The following KLF10 variants were observed in gnomAD, a reference collection of about 807,000 sequenced individuals.
KLF10 encodes the protein Krueppel-like factor 10.
In KLF10, 17 loss-of-function variants were observed where a neutral mutation model predicts 31.6. The observed-to-expected ratio is 0.54, with a 90% CI of 0.37 to 0.81. KLF10 has a LOEUF of 0.81. Ranked by LOEUF, KLF10 falls within the 30% of genes least tolerant of loss-of-function variation. The pLI is 0.00. For synonymous variants in KLF10, 239 were observed against 215.1 expected, an observed-to-expected ratio of 1.11 and a Z score of -0.97; for missense variants, 525 against 598.1, an observed-to-expected ratio of 0.88 and a Z score of 1.27.
At position 102,651,734 on chromosome 8, in the gene KLF10, T is replaced by A; in HGVS notation, c.598A>T (p.Ile200Leu). 1.2e-6 allele frequency: 2 copies of A among 1,614,246 alleles called. No individual in the cohort carries two copies. The highest frequency in any genetic ancestry group is 1.7e-6 in the Non-Finnish European group (2 of 1,180,044). ...HLNVEAARKN[I>L]PCAAVSPNRS... ...TTTGGTGACACAGCGGCACATGGTA[T>A]GTTCTTTCTTGCAGCCTCAACATTT... Residue 200 changes from isoleucine (I) to leucine (L), a missense_variant, in exon 3 of 4, where the codon ATA becomes TTA. By Grantham distance (5) the Ile-to-Leu change is conservative (BLOSUM62 2). Coordinates refer to ENST00000285407, the MANE Select transcript of KLF10 (RefSeq NM_005655.4).
At position 102,651,590 on chromosome 8, in the gene KLF10, C is replaced by T. The variant is rs776914488; in HGVS notation, c.742G>A (p.Val248Met). Reference sequence around the variant, plus strand: ...AACACTGACTTCTGTTGTGGGGACACAGGGGCTGGCTGAGACCTGCAGATG... The same window carrying T: ...AACACTGACTTCTGTTGTGGGGACATAGGGGCTGGCTGAGACCTGCAGATG... ...TVICRSQPAP[V>M]SPQQKSVLVS... Residue 248 changes from valine to methionine, a missense_variant, in exon 3 of 4, where the codon GTG (valine) becomes ATG (methionine). Physicochemically the swap from Val to Met is conservative, Grantham distance 21. Transcript: ENST00000285407. 5 of 1,614,080 alleles carry T rather than the reference C, an allele frequency of 3.1e-6. No individual in the cohort carries two copies. The African/African-American group carries it at 6.7e-5, about 22-fold the overall frequency.
chr8:102,655,634 C>CTGGCTGCT lies in KLF10; in HGVS notation c.-41_-34dup. 1 of 1,612,978 alleles carries CTGGCTGCT rather than the reference C, an allele frequency of 6.2e-7. No homozygotes were observed. The highest frequency in any genetic ancestry group is 1.1e-5 in the South Asian group (1 of 91,000). On this transcript the variant is annotated 5_prime_UTR_variant, in exon 1 of 4. Transcript: ENST00000285407. ...TGCTTGGCCGCCGGCGGCAAGCTGA[C>CTGGCTGCT]TGGCTGCTAGGCTGCTGGCTGCTTG...
rs750341034 is a variant in KLF10, at chr8:102,651,409, A to C, written c.923T>G (p.Met308Arg). The C allele has an allele frequency of 6.2e-7, 1 of 1,612,326 alleles. No individual in the cohort carries two copies. The highest frequency in any genetic ancestry group is 8.5e-7 in the Non-Finnish European group (1 of 1,178,994). Reference protein sequence around the residue: ...PPAVCPPVVFMGTQVPKGAVM... With the variant: ...PPAVCPPVVFRGTQVPKGAVM... ...AGCGCCTTTGGGGACTTGTGTGCCC[A>C]TGAACACAACAGGGGGGCAAACGGC... Residue 308 changes from methionine to arginine, a missense_variant, in exon 3 of 4, where the codon ATG becomes AGG. Coordinates refer to ENST00000285407, the MANE Select transcript of KLF10 (RefSeq NM_005655.4).
At chr8:102,654,956 C>A (rs1383358047) in intron 1 of KLF10, among the ~76,000 whole-genome samples, 1 of 152,106 alleles carries the variant, frequency 6.6e-6, no homozygotes, top group Non-Finnish European at 1.5e-5. Context: ...GTGTCATCCC[C>A]CCGCTCCGAC....
chr8:102,655,502 G>A, intron 1 of KLF10, 64 bp downstream of exon 1: 1 of 1,592,804 alleles, frequency 6.3e-7, no homozygotes, highest in Admixed American at 1.7e-5. Context: ...CGGGGTTCGC[G>A]CCCCCTTTGG....
At chr8:102,655,520 G>A in intron 1 of KLF10, 46 bp downstream of exon 1, 2 of 1,612,978 alleles carry the variant, frequency 1.2e-6, no homozygotes, top group Non-Finnish European at 8.5e-7. Flanking sequence ...TGGCCCCCCA[G>A]ACAAGACCAG....
chr8:102,650,746 C>T (rs1827188204), intron 3 of KLF10, among the ~76,000 whole-genome samples: 1 of 152,050 alleles, frequency 6.6e-6, no homozygotes. Context: ...GAAAAGACTT[C>T]CTGACTTTAA....
rs1337216416 is a variant in KLF10, at chr8:102,649,030, A to G, written c.*1102T>C. ...CCACTGTGTATATCATCCACTATAT[A>G]ACAGAATAAAAGAGAAATACTGTTA... On this transcript the variant is annotated 3_prime_UTR_variant, in exon 4 of 4. Coordinates refer to ENST00000285407, the MANE Select transcript of KLF10 (RefSeq NM_005655.4). 1.3e-5 allele frequency: 2 copies of G among 152,660 alleles called. No homozygotes were observed. The highest frequency in any genetic ancestry group is 6.5e-5 in the Admixed American group (1 of 15,290). The allele number at this position is 152,660 out of a possible 1,614,324, so 9.5% of individuals were successfully genotyped here. A position where few individuals can be genotyped will look rare whatever the true frequency, so the allele number is the denominator to read the frequency against.
At chr8:102,653,937 C>T (rs1827289009) in intron 1 of KLF10, 4 of 987,178 alleles carry the variant, frequency 4.1e-6, no homozygotes, top group Non-Finnish European at 4.8e-6. Flanking sequence ...TGGCGGAGAC[C>T]GACGGATGGG....
chr8:102,654,472 C>A (rs1351294084), intron 1 of KLF10: 1 of 151,428 alleles, frequency 6.6e-6, no homozygotes, highest in East Asian at 1.9e-4. Context: ...TCCCGGCCCA[C>A]CCCCGGCCTC....
intron 1 of KLF10, chr8:102,653,792 C>A: frequency 9.5e-7 from 1 of 1,052,854 alleles, no homozygotes; most frequent in Non-Finnish European, 1.2e-6. Flanking sequence ...AGAGCGTGAG[C>A]TGGGAAGGAC....
chr8:102,653,856 G>A, intron 1 of KLF10: 1 of 932,640 alleles, frequency 1.1e-6, no homozygotes, highest in Non-Finnish European at 1.3e-6. Flanking sequence ...GCAGGAAAGG[G>A]AAGCGCGGGC....
At chr8:102,654,744 C>T (rs1827318752) in intron 1 of KLF10, among the ~76,000 whole-genome samples, 1 of 151,592 alleles carries the variant, frequency 6.6e-6, no homozygotes, top group Non-Finnish European at 1.5e-5. Context: ...AGACGCGCGG[C>T]CCCCGCGTCT....
chr8:102,653,722 T>C, intron 1 of KLF10: 2 of 1,193,172 alleles, frequency 1.7e-6, no homozygotes. Flanking sequence ...CGCGTGTGTG[T>C]AACAGCCCCA....
Position 102,651,948 on chromosome 8 carries a change from A to C in KLF10, c.384T>G (p.Pro128=). 1 of 1,613,894 alleles carries C rather than the reference A, an allele frequency of 6.2e-7. No individual in the cohort carries two copies. Among genetic ancestry groups the C allele is most frequent in the Non-Finnish European group, 8.5e-7 (1 of 1,179,998 alleles). Residue 128 remains proline (P), a synonymous_variant, in exon 3 of 4, where the codon CCT becomes CCG. Coordinates refer to ENST00000285407, the MANE Select transcript of KLF10 (RefSeq NM_005655.4). ...HFKSLSDTAK[P]HIAAPFKEEE... is the part of the protein sequence containing the mutation. The stretch of plus-strand genomic sequence containing the variant: ...CCTCTTTGAAAGGTGCGGCAATGTG[A>C]GGTTTGGCAGTATCTGAGAGTGACT...
Position 102,650,394 on chromosome 8 carries a change from A to G in KLF10, c.1184-3T>C. The G allele has an allele frequency of 6.2e-7, 1 of 1,611,134 alleles. No homozygotes were observed. Among genetic ancestry groups the G allele is most frequent in the East Asian group, 2.2e-5 (1 of 44,814 alleles). On this transcript the variant is annotated splice_region_variant and splice_polypyrimidine_tract_variant and intron_variant, in intron 3 of 3. Coordinates refer to ENST00000285407, the MANE Select transcript of KLF10 (RefSeq NM_005655.4). Reference sequence around the variant, plus strand: ...GCTACAGCTGAAAGGCTTTTCTCCTAAAACAAAGACATACAAATCATTATT... The same window carrying G: ...GCTACAGCTGAAAGGCTTTTCTCCTGAAACAAAGACATACAAATCATTATT...
At chr8:102,653,663 T>G in intron 1 of KLF10, 1 of 1,294,410 alleles carries the variant, frequency 7.7e-7, no homozygotes, top group South Asian at 2.4e-5. Context: ...TCGCTAACAA[T>G]ATAATTGCAT....
In KLF10 at chr8:102,651,789, C is replaced by T. The variant is rs1422633219; in HGVS notation, c.543G>A (p.Gln181=). Residue 181 remains glutamine, a synonymous_variant, in exon 3 of 4, where the codon CAG becomes CAA. Transcript: ENST00000285407. ...GGGTTCTTCTTCTAAAAGAATTGTTCTGATAGTTGAGGATGCTGGCTGCTT... is the reference window on the plus strand; with the variant it reads ...GGGTTCTTCTTCTAAAAGAATTGTTTTGATAGTTGAGGATGCTGGCTGCTT... ...PMKAASILNY[Q]NNSFRRRTHL... is the part of the protein sequence containing the mutation. The T allele has an allele frequency of 1.2e-6, 2 of 1,614,178 alleles. No individual in the cohort carries two copies. The highest frequency in any genetic ancestry group is 1.1e-5 in the South Asian group (1 of 91,082).
intron 1 of KLF10, among the ~76,000 whole-genome samples, chr8:102,654,964 G>A (rs935228894): frequency 6.6e-6 from 1 of 151,488 alleles, no homozygotes; most frequent in Non-Finnish European, 1.5e-5. Flanking sequence ...CCCCCGCTCC[G>A]ACGACAGGCG....
Sources: gnomAD v4.1 joint callset for allele counts (sites outside exome capture counted in the v4.1 genomes callset) on GRCh38, gnomAD v4.1.1 for gene constraint, MANE v1.5 for transcripts, NCBI Gene and HGNC (gene_info 2026-07-23, HGNC 2026-07-21) for gene names.